The following GPC5 variants were observed in gnomAD, a reference collection of about 807,000 sequenced individuals.
GPC5 encodes the protein glypican 5.
GPC5 carries 47 observed loss-of-function variants against 53.9 expected under a neutral mutation model. The observed-to-expected ratio is 0.87, with a 90% confidence interval of 0.69 to 1.11. The LOEUF is 1.11. GPC5 is among the 50% of genes most tolerant of loss of function. The pLI is 0.00. For synonymous variants in GPC5, 286 were observed against 263.3 expected (o/e 1.09, Z -0.84); for missense variants, 748 against 713.1 (o/e 1.05, Z -0.56).
chr13:91,919,246 C>T (rs2039687879), intron 6 of GPC5, among the ~76,000 whole-genome samples: 1 of 152,238 alleles, frequency 6.6e-6, no homozygotes, highest in African/African-American at 2.4e-5. Flanking sequence ...CAATTCCTAT[C>T]TGGATTAGAA....
intron 7 of GPC5, among the ~76,000 whole-genome samples, chr13:92,336,196 C>T (rs1240592799): frequency 6.6e-6 from 1 of 152,170 alleles, no homozygotes; most frequent in Non-Finnish European, 1.5e-5. Flanking sequence ...TTCTACAGAT[C>T]TCACATTCTC....
At chr13:92,369,655 T>C (rs2043634591) in intron 7 of GPC5, among the ~76,000 whole-genome samples, 1 of 152,228 alleles carries the variant, frequency 6.6e-6, no homozygotes, top group Admixed American at 6.5e-5. Context: ...AATGTCAATA[T>C]AAATGAATAA....
chr13:91,664,697 G>T (rs961182672), intron 2 of GPC5, among the ~76,000 whole-genome samples: 1 of 152,134 alleles, frequency 6.6e-6, no homozygotes, highest in Non-Finnish European at 1.5e-5. Flanking sequence ...TGAGATTAAG[G>T]TCTGCATGTT....
chr13:91,537,390 G>A (rs919804296), intron 2 of GPC5, among the ~76,000 whole-genome samples: 4 of 152,000 alleles, frequency 2.6e-5, no homozygotes, highest in African/African-American at 9.7e-5. Flanking sequence ...AGCATTATAA[G>A]GGAATGAAAA....
chr13:91,437,549 G>T (rs1880077413), intron 1 of GPC5, among the ~76,000 whole-genome samples: 1 of 152,210 alleles, frequency 6.6e-6, no homozygotes, highest in Non-Finnish European at 1.5e-5. Flanking sequence ...TTTCTGCCGA[G>T]ATATCAGCTG....
At chr13:91,740,626 C>T (rs2036912637) in intron 4 of GPC5, among the ~76,000 whole-genome samples, 1 of 152,172 alleles carries the variant, frequency 6.6e-6, no homozygotes, top group African/African-American at 2.4e-5. Context: ...GTGATTGATA[C>T]ATACCAGTTA....
Position 91,516,368 on chromosome 13 carries a change from A to G in GPC5, c.325+67446A>G, listed in dbSNP as rs1399858628. Among the ~76,000 whole-genome samples the G allele has an allele frequency of 2.0e-5, 3 of 152,208 alleles. 1 individual carries two copies. Among genetic ancestry groups the G allele is most frequent in the Non-Finnish European group, 4.4e-5 (3 of 68,032 alleles). On this transcript the variant is annotated intron_variant, in intron 2 of 7. Coordinates refer to ENST00000377067, the MANE Select transcript of GPC5 (RefSeq NM_004466.6). ...GAGAAATTGCCAAAACAAAGAGATT[A>G]CAGGGCCCATGCAAGTCCAAAATCC...
At chr13:92,036,318 T>C (rs1216226326) in intron 6 of GPC5, among the ~76,000 whole-genome samples, 1 of 152,230 alleles carries the variant, frequency 6.6e-6, no homozygotes, top group East Asian at 1.9e-4. Flanking sequence ...GGCAAAGATA[T>C]CATTTTATGG....
intron 2 of GPC5, among the ~76,000 whole-genome samples, chr13:91,513,988 T>A (rs902861619): frequency 6.6e-6 from 1 of 152,252 alleles, no homozygotes; most frequent in Non-Finnish European, 1.5e-5. Context: ...TTTGTCCTTT[T>A]TATTGCTGAG....
intron 7 of GPC5, among the ~76,000 whole-genome samples, chr13:92,634,728 A>T (rs1885359007): frequency 6.6e-6 from 1 of 151,746 alleles, no homozygotes; most frequent in Non-Finnish European, 1.5e-5. Context: ...TTTCTTTCTT[A>T]TCTCTCATTG....
intron 6 of GPC5, among the ~76,000 whole-genome samples, chr13:92,014,309 C>G (rs1038151046): frequency 2.0e-5 from 3 of 152,130 alleles, no homozygotes; most frequent in African/African-American, 7.2e-5. Flanking sequence ...TCAGGTAATT[C>G]TGATGCTCTA....
At chr13:92,733,715 A>G (rs1234837774) in intron 7 of GPC5, among the ~76,000 whole-genome samples, 1 of 151,768 alleles carries the variant, frequency 6.6e-6, no homozygotes, top group African/African-American at 2.4e-5. Flanking sequence ...TCCAAAGAAG[A>G]TGATTACATC....
chr13:92,815,281 G>A (rs1877429331), intron 7 of GPC5, among the ~76,000 whole-genome samples: 1 of 152,032 alleles, frequency 6.6e-6, no homozygotes. Context: ...ACTCCATGAA[G>A]AGAGGATATT....
At chr13:92,794,247 G>A (rs543881534) in intron 7 of GPC5, among the ~76,000 whole-genome samples, 67 of 152,186 alleles carry the variant, frequency 4.4e-4, no homozygotes, top group Non-Finnish European at 7.8e-4. Context: ...ATCAATAAAC[G>A]TAATCCATCA....
intron 7 of GPC5, among the ~76,000 whole-genome samples, chr13:92,678,652 C>T (rs1887023154): frequency 6.6e-6 from 1 of 152,228 alleles, no homozygotes; most frequent in South Asian, 2.1e-4. Context: ...AGGGACCAAC[C>T]ATAGAGAGTC....
chr13:92,749,977 C>T (rs998155608), intron 7 of GPC5, among the ~76,000 whole-genome samples: 30 of 152,144 alleles, frequency 2.0e-4, no homozygotes, highest in Non-Finnish European at 4.3e-4. Context: ...GAGGCTGGTT[C>T]ACTGAGCTAT....
chr13:92,638,957 T>C (rs763529732), intron 7 of GPC5, among the ~76,000 whole-genome samples: 40 of 152,364 alleles, frequency 2.6e-4, no homozygotes, highest in Non-Finnish European at 4.4e-4. Context: ...ATAGTAATTA[T>C]AGTATTTGCC....
chr13:92,489,912 T>C (rs1594245204), intron 7 of GPC5, among the ~76,000 whole-genome samples: 1 of 151,830 alleles, frequency 6.6e-6, no homozygotes, highest in East Asian at 1.9e-4. Flanking sequence ...GGATAAAATA[T>C]AGGGCAAGTT....
chr13:92,798,743 T>C (rs1414763942), intron 7 of GPC5, among the ~76,000 whole-genome samples: 1 of 151,862 alleles, frequency 6.6e-6, no homozygotes, highest in Non-Finnish European at 1.5e-5. Flanking sequence ...TTTCCTTTCA[T>C]AGCATTAAAA....
Sources: gnomAD v4.1 joint callset for allele counts (sites outside exome capture counted in the v4.1 genomes callset) on GRCh38, gnomAD v4.1.1 for gene constraint, MANE v1.5 for transcripts, NCBI Gene and HGNC (gene_info 2026-07-23, HGNC 2026-07-21) for gene names.